NIPA1: variants seen among roughly 807,000 people sequenced by gnomAD.
NIPA1 encodes NIPA magnesium transporter 1.
Under a neutral mutation model 23.9 loss-of-function variants are expected in NIPA1, and 13 were observed. The ratio of observed to expected loss-of-function variants is 0.54; its 90% CI spans 0.35 to 0.87. NIPA1 has a LOEUF of 0.87. Ranked by LOEUF, NIPA1 falls within the 40% of genes least tolerant of loss-of-function variation. The pLI, the probability that NIPA1 is intolerant of heterozygous loss-of-function variation, is 0.01. For synonymous variants in NIPA1, 234 were observed against 202.9 expected, an observed-to-expected ratio of 1.15 and a Z score of -1.30; for missense variants, 362 against 429.7, an observed-to-expected ratio of 0.84 and a Z score of 1.39.
intron 1 of NIPA1, among the ~76,000 whole-genome samples, chr15:22,807,929 G>A (rs1172193641): frequency 1.3e-5 from 2 of 151,740 alleles, no homozygotes; most frequent in East Asian, 1.9e-4. Flanking sequence ...GACTACAGGC[G>A]CCCACCACCA....
In NIPA1 at chr15:22,824,247, T is replaced by C. The variant is rs1346915639; in HGVS notation, c.*8T>C. The C allele has an allele frequency of 2.5e-6, 4 of 1,611,148 alleles. No individual in the cohort carries two copies. The highest frequency in any genetic ancestry group is 1.7e-5 in the Admixed American group (1 of 59,996). On this transcript the variant is annotated 3_prime_UTR_variant, in exon 5 of 5. Transcript: ENST00000337435. This position sits in a 1 kb window ranked among gnomAD's most constrained non-coding sequence, Gnocchi z 4.1. ...AATATGAAAACAGACTAGATTGCAA[T>C]AGGAGCTTGGATGGTTCGAGGAATA...
chr15:22,786,840 G>C lies in NIPA1; in HGVS notation c.178+6G>C. On this transcript the variant is annotated splice_donor_region_variant and intron_variant, in intron 1 of 4. Transcript: ENST00000337435. ...CGTGCGTGCCAAGCGGCGAGGTAGGGCGGGCGGCAGGCGGCAGGCGGCGGG... is the reference window on the plus strand; with the variant it reads ...CGTGCGTGCCAAGCGGCGAGGTAGGCCGGGCGGCAGGCGGCAGGCGGCGGG... The C allele has an allele frequency of 8.3e-7, 1 of 1,197,794 alleles. No homozygotes were observed. The highest frequency in any genetic ancestry group is 1.1e-6 in the Non-Finnish European group (1 of 946,632). The allele number at this position is 1,197,794 out of a possible 1,614,324, so 74.2% of individuals were successfully genotyped here. A position where few individuals can be genotyped will look rare whatever the true frequency, so the allele number is the denominator to read the frequency against.
Position 22,806,153 on chromosome 15 carries a change from G to C in NIPA1, c.179-4596G>C, listed in dbSNP as rs190064007. Among the ~76,000 whole-genome samples the C allele has an allele frequency of 8.5e-5, 13 of 152,286 alleles. No homozygotes were observed. The East Asian group carries it at 2.5e-3, about 29-fold the overall frequency. ...TTAGCCAGGATGGTCTTGATCTCCT[G>C]ACCTTGTGATCCGCCCGCCTCGGCC... On this transcript the variant is annotated intron_variant, in intron 1 of 4. Transcript: ENST00000337435.
At chr15:22,789,180 G>T (rs1011077675) in intron 1 of NIPA1, among the ~76,000 whole-genome samples, 16 of 151,650 alleles carry the variant, frequency 1.1e-4, no homozygotes, top group Non-Finnish European at 4.4e-5. Context: ...CTGGAGATGG[G>T]GTTTCATCAT....
In NIPA1 at chr15:22,807,799, T is replaced by TGTGTGTGTGTGTGTGTGTGTGA. The variant is rs140818178; in HGVS notation, c.179-2945_179-2944insTGTGTGTGTGTGTGTGAGTGTG. ...AAATTCACTTGTGTGTGTGTGTGTG[T>TGTGTGTGTGTGTGTGTGTGTGA]GTGTGATGGAGTCTCTCTCTGTTGC... On this transcript the variant is annotated intron_variant, in intron 1 of 4. Coordinates refer to ENST00000337435, the MANE Select transcript of NIPA1 (RefSeq NM_144599.5). Among the ~76,000 whole-genome samples, 208 of 151,914 alleles carry TGTGTGTGTGTGTGTGTGTGTGA rather than the reference T, an allele frequency of 1.4e-3. 3 individuals carry two copies. Among genetic ancestry groups the TGTGTGTGTGTGTGTGTGTGTGA allele is most frequent in the African/African-American group, 4.8e-3 (199 of 41,270 alleles).
chr15:22,793,761 A>G (rs6606830), intron 1 of NIPA1, among the ~76,000 whole-genome samples: 105,575 of 152,064 alleles, frequency 0.69, 37,301 homozygotes, highest in East Asian at 0.91. Context: ...TGACACATAG[A>G]GGTCCGGTTT....
intron 3 of NIPA1, chr15:22,813,507 C>T (rs1413366084): frequency 1.0e-5 from 4 of 385,104 alleles, no homozygotes; most frequent in South Asian, 2.0e-5. Flanking sequence ...AACATATATC[C>T]TCGTGTGAAC....
chr15:22,788,192 CACAAACCGGAGTAGAAGA>C (rs574184247), intron 1 of NIPA1, among the ~76,000 whole-genome samples: 2 of 152,166 alleles, frequency 1.3e-5, no homozygotes, highest in South Asian at 4.1e-4. Flanking sequence ...GAAAACACCA[CACAAACCGGAGTAGAAGA>C]ACATCTTGCG....
rs1895611248 is a variant in NIPA1, at chr15:22,824,529, T to G, written c.*290T>G. The G allele has an allele frequency of 9.9e-6, 4 of 403,430 alleles. No homozygotes were observed. The highest frequency in any genetic ancestry group is 1.8e-5 in the Non-Finnish European group (4 of 218,122). 25.0% of individuals were successfully genotyped at this position (403,430 alleles called of 1,614,324 possible). A position where few individuals can be genotyped will look rare whatever the true frequency, so the allele number is the denominator to read the frequency against. ...AGCTTTCATGAATATTCTCTTCTTT[T>G]AAAACATTTTAACATTATTTAAACA... On this transcript the variant is annotated 3_prime_UTR_variant, in exon 5 of 5. Transcript: ENST00000337435. The surrounding 1 kb of genome is among the most constrained non-coding windows in gnomAD (Gnocchi z 4.1).
At chr15:22,788,228 G>A (rs1215914862) in intron 1 of NIPA1, among the ~76,000 whole-genome samples, 2 of 152,102 alleles carry the variant, frequency 1.3e-5, no homozygotes, top group Non-Finnish European at 2.9e-5. Flanking sequence ...GCGGCCGGGC[G>A]CGGTGGCTGG....
At chr15:22,788,980 A>G (rs1894772551) in intron 1 of NIPA1, among the ~76,000 whole-genome samples, 2 of 145,798 alleles carry the variant, frequency 1.4e-5, no homozygotes, top group African/African-American at 5.0e-5. Flanking sequence ...GCTTTCATTC[A>G]TTTATTTATT....
At chr15:22,790,200 A>G (rs1247068822) in intron 1 of NIPA1, among the ~76,000 whole-genome samples, 2 of 152,132 alleles carry the variant, frequency 1.3e-5, no homozygotes, top group Non-Finnish European at 2.9e-5. Flanking sequence ...TTAATTTCAT[A>G]CTTCCCCAGT....
chr15:22,819,290 A>G (rs1895487276), intron 3 of NIPA1: 1 of 152,064 alleles, frequency 6.6e-6, no homozygotes, highest in Admixed American at 6.6e-5. Context: ...TAAAATAGGT[A>G]TTAAAGGAAG....
rs1406067795 is a variant in NIPA1, at chr15:22,826,667, A to G, written c.*2428A>G. ...TGATACTGAGAGGTGATACCCGATG[A>G]TCTTCTCTATAATATTCTTAGAGTA... On this transcript the variant is annotated 3_prime_UTR_variant, in exon 5 of 5. Coordinates refer to ENST00000337435, the MANE Select transcript of NIPA1 (RefSeq NM_144599.5). 6.6e-6 allele frequency: 1 copy of G among 152,166 alleles called. No homozygotes were observed. Among genetic ancestry groups the G allele is most frequent in the Non-Finnish European group, 1.5e-5 (1 of 68,030 alleles). The allele number at this position is 152,166 out of a possible 1,614,324, so 9.4% of individuals were successfully genotyped here.
chr15:22,824,062 G>A lies in NIPA1; in HGVS notation c.813G>A (p.Leu271=), dbSNP rs775918604. 1.9e-6 allele frequency: 3 copies of A among 1,614,010 alleles called. No homozygotes were observed. The African/African-American group carries it at 4.0e-5, about 22-fold the overall frequency. The part of the protein sequence containing the change: ...GAIYYVVFTT[L]VLLASAILFR... ...TCTACTACGTCGTGTTTACCACGCT[G>A]GTCCTGCTGGCCTCAGCCATCCTCT... Residue 271 remains leucine (L), a synonymous_variant, in exon 5 of 5, where the codon CTG becomes CTA. Transcript: ENST00000337435. The surrounding 1 kb of genome is among the most constrained non-coding windows in gnomAD (Gnocchi z 4.1).
intron 1 of NIPA1, among the ~76,000 whole-genome samples, chr15:22,788,498 C>CAAAAAAAAAAAAAAAAAAAAAAAAA (rs905296655): frequency 4.5e-5 from 4 of 89,588 alleles, no homozygotes; most frequent in South Asian, 3.7e-4. Context: ...GACTCCATCT[C>CAAAAAAAAAAAAAAAAAAAAAAAAA]AAAAAAAAAA....
chr15:22,795,784 G>A (rs61621251), intron 1 of NIPA1, among the ~76,000 whole-genome samples: 4,312 of 152,226 alleles, frequency 0.028, 196 homozygotes, highest in African/African-American at 0.098. Context: ...AGAAGAGGAG[G>A]TTCAGATTTG....
At chr15:22,820,645 G>A (rs989403023) in intron 4 of NIPA1, among the ~76,000 whole-genome samples, 172 bp downstream of exon 4, 3 of 152,278 alleles carry the variant, frequency 2.0e-5, no homozygotes, top group Admixed American at 1.3e-4. Context: ...GGCTGTGCTC[G>A]CAGGCTAGCC....
intron 1 of NIPA1, among the ~76,000 whole-genome samples, chr15:22,806,529 C>A (rs1895216453): frequency 8.1e-6 from 1 of 123,956 alleles, no homozygotes; most frequent in African/African-American, 5.5e-5. Flanking sequence ...TCCTCTGCAT[C>A]CTTCAGTGCT....
Sources: gnomAD v4.1 joint callset for allele counts (sites outside exome capture counted in the v4.1 genomes callset) on GRCh38, gnomAD v4.1.1 for gene constraint, Gnocchi (gnomAD v3.1) non-coding constraint, MANE v1.5 for transcripts, NCBI Gene and HGNC (gene_info 2026-07-23, HGNC 2026-07-21) for gene names.